Variants in STOML3 observed in about 807,000 individuals in gnomAD.
STOML3 encodes the protein stomatin like 3.
A neutral mutation model predicts 29.5 loss-of-function variants in STOML3; 31 were observed. The observed-to-expected ratio is 1.05, with a 90% CI of 0.79 to 1.42. The LOEUF is 1.42. STOML3 is among the 40% of genes most tolerant of loss of function. STOML3 has a pLI of 0.00. For missense variants in STOML3, 380 were observed against 363.0 expected (o/e 1.05, Z -0.38); for synonymous variants, 122 against 139.8 (o/e 0.87, Z 0.90).
At chr13:38,977,391 C>CT (rs1881119136) in intron 1 of STOML3, among the ~76,000 whole-genome samples, 1 of 152,172 alleles carries the variant, frequency 6.6e-6, no homozygotes, top group African/African-American at 2.4e-5. Flanking sequence ...AGTTACCCGC[C>CT]TTAGAGAATT....
intron 6 of STOML3, 79 bp from the exon 7 acceptor site, chr13:38,967,128 G>C (rs1880687270): frequency 7.8e-7 from 1 of 1,290,090 alleles, no homozygotes; most frequent in Admixed American, 2.3e-5. Context: ...GGTCTGTATT[G>C]ATACCCCTCT....
At chr13:38,981,217 CACAA>C (rs1308849607) in intron 1 of STOML3, among the ~76,000 whole-genome samples, 2 of 152,092 alleles carry the variant, frequency 1.3e-5, no homozygotes, top group African/African-American at 2.4e-5. Context: ...CCACAAATTC[CACAA>C]ACAGACAGTG....
chr13:38,986,315 A>C (rs1000454134), intron 1 of STOML3, among the ~76,000 whole-genome samples: 4 of 152,198 alleles, frequency 2.6e-5, no homozygotes, highest in Middle Eastern at 6.8e-3. Context: ...GATTGCAGGC[A>C]TGAGCCACTA....
At chr13:38,972,456 T>C in intron 4 of STOML3, 56 bp downstream of exon 4, 1 of 1,528,454 alleles carries the variant, frequency 6.5e-7, no homozygotes, top group Non-Finnish European at 9.0e-7. Context: ...TAATTGTCCT[T>C]ATAATAGAGA....
At chr13:38,988,091 ATATGT>A (rs1315597726) in intron 1 of STOML3, among the ~76,000 whole-genome samples, 9 of 103,454 alleles carry the variant, frequency 8.7e-5, no homozygotes, top group African/African-American at 2.9e-4. Context: ...TTTATATATA[ATATGT>A]TATATTTTAT....
At chr13:38,983,184 G>A (rs966789704) in intron 1 of STOML3, among the ~76,000 whole-genome samples, 7 of 151,956 alleles carry the variant, frequency 4.6e-5, no homozygotes, top group African/African-American at 1.5e-4. Flanking sequence ...TTTTTGTCAC[G>A]TCATAAAGAT....
intron 3 of STOML3, among the ~76,000 whole-genome samples, chr13:38,975,651 C>T (rs1260363844): frequency 3.3e-5 from 5 of 151,958 alleles, no homozygotes; most frequent in Non-Finnish European, 7.4e-5. Flanking sequence ...AGAATTAATC[C>T]CATGAAATTG....
intron 1 of STOML3, among the ~76,000 whole-genome samples, chr13:38,977,860 C>T (rs538090261): frequency 2.9e-4 from 43 of 147,872 alleles, no homozygotes; most frequent in African/African-American, 7.5e-4. Flanking sequence ...CCCGGGTTCG[C>T]GCCATTCTCC....
chr13:38,973,558 T>C lies in STOML3; in HGVS notation c.230-964A>G, dbSNP rs550039686. Among the ~76,000 whole-genome samples the C allele has an allele frequency of 3.9e-5, 6 of 152,308 alleles. No individual in the cohort carries two copies. In the East Asian group the frequency reaches 1.2e-3, roughly 29 times the overall value. ...GAGACTTCCTTTACAAGGCCACTAA[T>C]TCCACTCGTGAGGGTGATTCCCTTA... On this transcript the variant is annotated intron_variant, in intron 3 of 6. Transcript: ENST00000379631.
chr13:38,983,447 C>T lies in STOML3; in HGVS notation c.53-6650G>A, dbSNP rs1485560632. On this transcript the variant is annotated intron_variant, in intron 1 of 6. Coordinates refer to ENST00000379631, the MANE Select transcript of STOML3 (RefSeq NM_145286.3). ...GTTCCATTTTTTTCTTTTACCAAATCGGATTCTAAATATCAATTGTGGATG... is the reference window on the plus strand; with the variant it reads ...GTTCCATTTTTTTCTTTTACCAAATTGGATTCTAAATATCAATTGTGGATG... 5.3e-5 allele frequency among the ~76,000 whole-genome samples: 8 copies of T among 152,216 alleles called. No homozygotes were observed. The South Asian group carries it at 6.2e-4, about 12-fold the overall frequency.
chr13:38,980,212 G>T, intron 1 of STOML3: 1 of 1,387,754 alleles, frequency 7.2e-7, no homozygotes, highest in Non-Finnish European at 9.8e-7. Flanking sequence ...CCAGGCCGCG[G>T]CTTCTGGGAG....
chr13:38,982,640 T>C (rs936360759), intron 1 of STOML3, among the ~76,000 whole-genome samples: 10 of 152,280 alleles, frequency 6.6e-5, no homozygotes, highest in African/African-American at 1.9e-4. Flanking sequence ...CCAAACTCAT[T>C]AAGCCAAAGG....
chr13:38,982,587 A>G (rs757592782), intron 1 of STOML3, among the ~76,000 whole-genome samples: 6 of 152,132 alleles, frequency 3.9e-5, no homozygotes, highest in Non-Finnish European at 8.8e-5. Flanking sequence ...GTTTCAGATA[A>G]TACTTGTTAT....
chr13:38,985,380 G>T (rs145481684), intron 1 of STOML3, among the ~76,000 whole-genome samples: 1 of 152,094 alleles, frequency 6.6e-6, no homozygotes, highest in South Asian at 2.1e-4. Context: ...CCGAGATCGC[G>T]CTACTGCATT....
At chr13:38,974,359 T>C (rs137893872) in intron 3 of STOML3, among the ~76,000 whole-genome samples, 3 of 152,196 alleles carry the variant, frequency 2.0e-5, no homozygotes, top group Middle Eastern at 3.4e-3. Flanking sequence ...AAGTGCTTTC[T>C]TTCTTTTGGC....
At chr13:38,986,777 A>T (rs1041161312) in intron 1 of STOML3, among the ~76,000 whole-genome samples, 4 of 152,106 alleles carry the variant, frequency 2.6e-5, no homozygotes, top group African/African-American at 9.7e-5. Flanking sequence ...TCCTACTCAA[A>T]ATGCTCTCTT....
At chr13:38,985,829 A>G (rs1298830375) in intron 1 of STOML3, among the ~76,000 whole-genome samples, 4 of 150,904 alleles carry the variant, frequency 2.7e-5, no homozygotes, top group Non-Finnish European at 5.9e-5. Context: ...ATAGAAGTAT[A>G]TATATAGAAT....
chr13:38,977,750 ATTTTTTTTTTT>A lies in STOML3; in HGVS notation c.53-964_53-954del, dbSNP rs397851686. On this transcript the variant is annotated intron_variant, in intron 1 of 6. Transcript: ENST00000379631. ...ATTATATAATTTCTGAAGTCTCCGG[ATTTTTTTTTTT>A]TTTTTTTTTTTTTTTTGAGACGGAG... Among the ~76,000 whole-genome samples the A allele has an allele frequency of 7.0e-3, 590 of 84,270 alleles. 6 individuals are homozygous for A. The highest frequency in any genetic ancestry group is 0.023 in the African/African-American group (566 of 25,080). 55.3% of individuals were successfully genotyped at this position (84,270 alleles called of 152,430 possible).
At chr13:38,971,889 C>T in intron 4 of STOML3, among the ~76,000 whole-genome samples, 1 of 152,094 alleles carries the variant, frequency 6.6e-6, no homozygotes, top group Non-Finnish European at 1.5e-5. Flanking sequence ...TGCACCACTG[C>T]ACTCCAGCCT....
Sources: allele counts gnomAD v4.1 joint callset (sites outside exome capture counted in the v4.1 genomes callset), GRCh38; gene constraint gnomAD v4.1.1; transcripts MANE v1.5; gene names NCBI Gene and HGNC (gene_info 2026-07-23, HGNC 2026-07-21).